PEF1: variants seen among roughly 807,000 people sequenced by gnomAD.
The protein encoded by PEF1 is peflin.
In PEF1, 17 loss-of-function variants were observed where a neutral mutation model predicts 32.0. That is an observed-to-expected ratio of 0.53 (90% CI 0.36 to 0.80). The LOEUF (loss-of-function observed/expected upper bound fraction) is 0.80. PEF1 is among the 30% of genes least tolerant of loss of function. PEF1 has a pLI of 0.00. For synonymous variants in PEF1, 130 were observed against 139.8 expected, an observed-to-expected ratio of 0.93 and a Z score of 0.50; for missense variants, 362 against 369.1, an observed-to-expected ratio of 0.98 and a Z score of 0.16.
At chr1:31,639,350 G>A (rs1419699370) in intron 1 of PEF1, among the ~76,000 whole-genome samples, 2 of 152,200 alleles carry the variant, frequency 1.3e-5, no homozygotes, top group Non-Finnish European at 2.9e-5. Flanking sequence ...AGTAGTTTCT[G>A]TCTAGCATCT....
At chr1:31,635,104 G>A in intron 2 of PEF1, 118 bp downstream of exon 2, 1 of 1,258,104 alleles carries the variant, frequency 7.9e-7, no homozygotes, top group Non-Finnish European at 1.1e-6. Context: ...GAAGCTGGAA[G>A]CAAGATGCTA....
chr1:31,632,334 G>C, intron 4 of PEF1, 161 bp downstream of exon 4: 1 of 1,249,980 alleles, frequency 8.0e-7, no homozygotes, highest in Non-Finnish European at 1.2e-6. Flanking sequence ...GCCCCAGCTG[G>C]GTCAAAGAAG....
chr1:31,630,910 TACTGGATC>T, intron 4 of PEF1, 68 bp from the exon 5 acceptor site: 1 of 1,299,344 alleles, frequency 7.7e-7, no homozygotes, highest in Non-Finnish European at 1.1e-6. Context: ...CAATCAGGAA[TACTGGATC>T]ACAACAGTTC....
rs568047553 is a variant in PEF1 at position 31,635,667 on chromosome 1, T to C, written c.25-145A>G. 1.8e-5 allele frequency: 16 copies of C among 871,862 alleles called. No homozygotes were observed. In the South Asian group the frequency reaches 5.1e-4, roughly 28 times the overall value. 54.0% of individuals were successfully genotyped at this position (871,862 alleles called of 1,614,324 possible). A position where few individuals can be genotyped will look rare whatever the true frequency, so the allele number is the denominator to read the frequency against. On this transcript the variant is annotated intron_variant, in intron 1 of 4. Transcript: ENST00000373703. ...TGGAATTATGATCTCACTGCTCAGA[T>C]GGGCAAACTGAGGCTTCCAGAGGAG... is the stretch of plus-strand genomic sequence containing the variant.
intron 1 of PEF1, among the ~76,000 whole-genome samples, chr1:31,636,944 TG>T (rs1438108990): frequency 6.6e-6 from 1 of 152,178 alleles, no homozygotes; most frequent in African/African-American, 2.4e-5. Context: ...CCAACACATC[TG>T]CAGACAAGCT....
chr1:31,642,176 T>G (rs925094038), intron 1 of PEF1, among the ~76,000 whole-genome samples: 2 of 152,232 alleles, frequency 1.3e-5, no homozygotes, highest in Non-Finnish European at 2.9e-5. Flanking sequence ...GAGGTTGCAG[T>G]GAGCCAAGAT....
intron 1 of PEF1, chr1:31,644,571 G>T: frequency 7.1e-7 from 1 of 1,409,214 alleles, no homozygotes; most frequent in Non-Finnish European, 9.2e-7. Flanking sequence ...CCAGGCCAGC[G>T]CCAGCCTGGA....
intron 1 of PEF1, among the ~76,000 whole-genome samples, chr1:31,641,256 A>ACCTCCCAAGTGCTTCTCAAATCTC (rs1640384133): frequency 6.6e-6 from 1 of 151,852 alleles, no homozygotes; most frequent in African/African-American, 2.4e-5. Context: ...TCTCAAATCT[A>ACCTCCCAAGTGCTTCTCAAATCTC]CCTCCCAAGT....
At chr1:31,644,019 T>A (rs1310133796) in intron 1 of PEF1, 1 of 152,244 alleles carries the variant, frequency 6.6e-6, no homozygotes, top group Non-Finnish European at 1.5e-5. Context: ...CAGATCCTAT[T>A]ATTCGGCCCT....
rs67208405 is a variant in PEF1, at chr1:31,638,253, AC to A, written c.25-2732del. On this transcript the variant is annotated intron_variant, in intron 1 of 4. Transcript: ENST00000373703. ...CCCAGAAGACAAGTCACTTAACCTAACCCCCATTTTACAGATGGGGGAGGGA... is the reference window on the plus strand; with the variant it reads ...CCCAGAAGACAAGTCACTTAACCTAACCCCATTTTACAGATGGGGGAGGGA... 8.0e-3 allele frequency among the ~76,000 whole-genome samples: 1,216 copies of A among 151,902 alleles called. 60 individuals are homozygous for A. The highest frequency in any genetic ancestry group is 0.066 in the Admixed American group (1,010 of 15,278).
rs1030802303 is a variant in PEF1, at chr1:31,633,368, C to G, written c.326-54G>C. On this transcript the variant is annotated intron_variant, in intron 2 of 4. Coordinates refer to ENST00000373703, the MANE Select transcript of PEF1 (RefSeq NM_012392.4). ...CAGAAATGCCAGGAAGGGCCAGCCT[C>G]AGTAACTTCCTGGCTACAGGTTTCT... is the stretch of plus-strand genomic sequence containing the variant. 12 of 1,534,718 alleles carry G rather than the reference C, an allele frequency of 7.8e-6. No individual in the cohort carries two copies. The African/African-American group carries it at 1.6e-4, about 21-fold the overall frequency.
chr1:31,635,405 C>T lies in PEF1; in HGVS notation c.142G>A (p.Gly48Ser). 5 of 1,613,072 alleles carry T rather than the reference C, an allele frequency of 3.1e-6. No individual in the cohort carries two copies. The highest frequency in any genetic ancestry group is 4.2e-6 in the Non-Finnish European group (5 of 1,179,582). The change falls in exon 2 of 5, where the codon GGT (glycine) becomes AGT (serine). Residue 48 changes from glycine (G) to serine (S), a missense_variant. By Grantham distance (56) the Gly-to-Ser change is moderately conservative. Transcript: ENST00000373703. ...CCATAAGGCCCTCCAGGGGCAGGAC[C>T]CCCATAACCACCACCAGGGGGTAGC... ...SGLPPGGGYGGPAPGGPYGPP... is the reference protein window; with the variant it reads ...SGLPPGGGYGSPAPGGPYGPP...
intron 2 of PEF1, among the ~76,000 whole-genome samples, chr1:31,633,968 ACAAAAAAACC>A (rs1437401287): frequency 1.3e-5 from 2 of 151,846 alleles, no homozygotes; most frequent in Admixed American, 6.6e-5. Flanking sequence ...AAAAAAAAAA[ACAAAAAAACC>A]CAAAAAAAAC....
At chr1:31,632,410 G>GA in intron 4 of PEF1, 85 bp downstream of exon 4, 1 of 1,598,722 alleles carries the variant, frequency 6.3e-7, no homozygotes, top group Non-Finnish European at 8.6e-7. Context: ...TCGGTAACAA[G>GA]AGGAAACCCC....
At chr1:31,644,109 A>C (rs1300770912) in intron 1 of PEF1, 1 of 152,828 alleles carries the variant, frequency 6.5e-6, no homozygotes, top group Non-Finnish European at 1.5e-5. Context: ...GGTAGAGCTA[A>C]GATATGAACC....
At chr1:31,633,495 G>T (rs1444285462) in intron 2 of PEF1, among the ~76,000 whole-genome samples, 181 bp from the exon 3 acceptor site, 1 of 152,180 alleles carries the variant, frequency 6.6e-6, no homozygotes. Flanking sequence ...ATGAGTATTT[G>T]CAGTTGATTT....
At chr1:31,640,280 G>A (rs912174814) in intron 1 of PEF1, among the ~76,000 whole-genome samples, 2 of 152,150 alleles carry the variant, frequency 1.3e-5, no homozygotes, top group African/African-American at 4.8e-5. Flanking sequence ...CCATTTTGCA[G>A]ATGAGAAAAT....
rs147174064 is a variant in PEF1, at chr1:31,636,618, T to C, written c.25-1096A>G. On this transcript the variant is annotated intron_variant, in intron 1 of 4. Coordinates refer to ENST00000373703, the MANE Select transcript of PEF1 (RefSeq NM_012392.4). ...GAATAATAATAGCTACCTCTCAGGT[T>C]AGTTTGTGAATGAAATGAGGCCAGC... 2.6e-5 allele frequency among the ~76,000 whole-genome samples: 4 copies of C among 152,350 alleles called. No individual in the cohort carries two copies. In the East Asian group the frequency reaches 7.7e-4, roughly 29 times the overall value.
At chr1:31,632,420 C>T in intron 4 of PEF1, 75 bp downstream of exon 4, 1 of 1,606,896 alleles carries the variant, frequency 6.2e-7, no homozygotes, top group Non-Finnish European at 8.5e-7. Flanking sequence ...GAGGAAACCC[C>T]TTTGTTGTAT....
Sources: gnomAD v4.1 joint callset for allele counts (sites outside exome capture counted in the v4.1 genomes callset) on GRCh38, gnomAD v4.1.1 for gene constraint, MANE v1.5 for transcripts, NCBI Gene and HGNC (gene_info 2026-07-23, HGNC 2026-07-21) for gene names.